Variants in NR2F1-AS1 observed in about 807,000 individuals in gnomAD.
NR2F1-AS1 encodes the protein NR2F1 regulatory antisense RNA 1, also known as NR2F1 antisense RNA 1.
intron 1 of NR2F1-AS1, among the ~76,000 whole-genome samples, chr5:93,565,032 C>T (rs1752584479): frequency 6.6e-6 from 1 of 152,010 alleles, no homozygotes; most frequent in African/African-American, 2.4e-5. Context: ...TTTCTCTATT[C>T]TCTCTCCTCA....
chr5:93,411,975 T>C (rs1456050145), intron 4 of NR2F1-AS1, among the ~76,000 whole-genome samples: 1 of 152,032 alleles, frequency 6.6e-6, no homozygotes, highest in African/African-American at 2.4e-5. Context: ...GCAAAGAACA[T>C]TTTCTTCAGC....
chr5:93,436,846 C>A (rs1173259978), intron 4 of NR2F1-AS1, among the ~76,000 whole-genome samples: 3 of 152,204 alleles, frequency 2.0e-5, no homozygotes, highest in East Asian at 3.9e-4. Context: ...CACCTGACTA[C>A]CTGGTCCACT....
intron 2 of NR2F1-AS1, among the ~76,000 whole-genome samples, chr5:93,555,752 T>C (rs1433432092): frequency 6.6e-6 from 1 of 152,168 alleles, no homozygotes; most frequent in Non-Finnish European, 1.5e-5. Context: ...TCCAGGTACA[T>C]ATTTAGACAA....
At chr5:93,460,952 C>A (rs995415061) in intron 4 of NR2F1-AS1, among the ~76,000 whole-genome samples, 16 of 152,208 alleles carry the variant, frequency 1.1e-4, no homozygotes, top group African/African-American at 2.4e-5. Context: ...AGAGGCAGAA[C>A]TACCATTCAA....
At chr5:93,486,006 C>G (rs1296673398) in intron 4 of NR2F1-AS1, among the ~76,000 whole-genome samples, 2 of 132,114 alleles carry the variant, frequency 1.5e-5, no homozygotes, top group East Asian at 2.1e-4. Context: ...AGTAAACTAT[C>G]GCAAGAACAA....
At chr5:93,503,276 A>G (rs1248251715) in intron 4 of NR2F1-AS1, among the ~76,000 whole-genome samples, 1 of 152,222 alleles carries the variant, frequency 6.6e-6, no homozygotes, top group Admixed American at 6.5e-5. Context: ...AGCAAGAACC[A>G]AAAGAACTGT....
intron 4 of NR2F1-AS1, among the ~76,000 whole-genome samples, chr5:93,477,405 A>G (rs181621185): frequency 6.6e-6 from 1 of 152,338 alleles, no homozygotes; most frequent in East Asian, 1.9e-4. Flanking sequence ...TTTTTCAAGG[A>G]AAGTTTTTAC....
At chr5:93,484,778 C>CAA (rs61083284) in intron 4 of NR2F1-AS1, among the ~76,000 whole-genome samples, 351 of 84,312 alleles carry the variant, frequency 4.2e-3, no homozygotes, top group African/African-American at 8.8e-3. Flanking sequence ...AAATGGAAAG[C>CAA]AAAAAAAAAA....
At chr5:93,558,594 T>C (rs576103033) in intron 2 of NR2F1-AS1, among the ~76,000 whole-genome samples, 6 of 152,358 alleles carry the variant, frequency 3.9e-5, no homozygotes, top group Non-Finnish European at 7.3e-5. Flanking sequence ...AGTGCTGGGA[T>C]TACAGGCATG....
At chr5:93,477,485 C>G (rs367626457) in intron 4 of NR2F1-AS1, among the ~76,000 whole-genome samples, 111 of 152,226 alleles carry the variant, frequency 7.3e-4, no homozygotes, top group African/African-American at 2.6e-3. Context: ...ATCACAACCC[C>G]CTTTCTGCAG....
At chr5:93,491,537 A>C (rs181316239) in intron 4 of NR2F1-AS1, among the ~76,000 whole-genome samples, 20 of 152,218 alleles carry the variant, frequency 1.3e-4, no homozygotes, top group African/African-American at 4.3e-4. Flanking sequence ...GAAAAACATT[A>C]TTCTGGGTGT....
At chr5:93,464,995 T>C (rs1750195552) in intron 4 of NR2F1-AS1, among the ~76,000 whole-genome samples, 1 of 152,212 alleles carries the variant, frequency 6.6e-6, no homozygotes, top group Non-Finnish European at 1.5e-5. Flanking sequence ...GGTATTTATA[T>C]TAATAAATGC....
intron 4 of NR2F1-AS1, among the ~76,000 whole-genome samples, chr5:93,465,935 G>C (rs1257884526): frequency 7.1e-6 from 1 of 140,420 alleles, no homozygotes; most frequent in African/African-American, 2.7e-5. Flanking sequence ...GGGGTGGGGG[G>C]TTGGGGGAGG....
At chr5:93,490,449 T>C (rs1315708064) in intron 4 of NR2F1-AS1, among the ~76,000 whole-genome samples, 1 of 150,880 alleles carries the variant, frequency 6.6e-6, no homozygotes, top group Non-Finnish European at 1.5e-5. Context: ...ATGGGAGTGG[T>C]GGTGGTGGTA....
At chr5:93,551,090 T>C (rs1336603234) in intron 4 of NR2F1-AS1, among the ~76,000 whole-genome samples, 4 of 152,050 alleles carry the variant, frequency 2.6e-5, no homozygotes, top group Non-Finnish European at 5.9e-5. Context: ...CTAAATAGAC[T>C]AAGGATACAC....
chr5:93,448,891 T>A (rs570258259), intron 4 of NR2F1-AS1, among the ~76,000 whole-genome samples: 1 of 152,272 alleles, frequency 6.6e-6, no homozygotes, highest in African/African-American at 2.4e-5. Flanking sequence ...ACACCCAGAA[T>A]TGAGTCTGAC....
chr5:93,574,941 G>A (rs755455581), intron 1 of NR2F1-AS1, among the ~76,000 whole-genome samples: 2 of 152,240 alleles, frequency 1.3e-5, no homozygotes, highest in Non-Finnish European at 2.9e-5. Context: ...TTGAGGGTGG[G>A]AAGGAGAGGA....
At chr5:93,483,945 A>G (rs1438322681) in intron 4 of NR2F1-AS1, among the ~76,000 whole-genome samples, 2 of 152,340 alleles carry the variant, frequency 1.3e-5, no homozygotes, top group East Asian at 3.9e-4. Flanking sequence ...GAAATATGGG[A>G]CTATGTGAAA....
intron 4 of NR2F1-AS1, among the ~76,000 whole-genome samples, chr5:93,421,441 G>A (rs796693985): frequency 7.9e-5 from 12 of 152,002 alleles, no homozygotes; most frequent in African/African-American, 2.7e-4. Context: ...CAGGTTTTAA[G>A]GTTATGTTCC....
Sources: gnomAD v4.1 joint callset for allele counts (sites outside exome capture counted in the v4.1 genomes callset) on GRCh38, gnomAD v4.1.1 for gene constraint, MANE v1.5 for transcripts, NCBI Gene and HGNC (gene_info 2026-07-23, HGNC 2026-07-21) for gene names.